The following NYAP2 variants were observed in gnomAD, a reference collection of about 807,000 sequenced individuals.
NYAP2 encodes neuronal tyrosine-phosphorylated phosphoinositide-3-kinase adaptor 2.
In NYAP2, 23 loss-of-function variants were observed where a neutral mutation model predicts 50.4. The ratio of observed to expected loss-of-function variants is 0.46; its 90% CI spans 0.33 to 0.65. NYAP2 has a LOEUF of 0.65. NYAP2 is among the 30% of genes least tolerant of loss of function. The pLI is 0.02. For missense variants in NYAP2, 885 were observed against 861.0 expected (o/e 1.03, Z -0.35); for synonymous variants, 394 against 365.2 (o/e 1.08, Z -0.90).
chr2:225,613,863 T>C (rs1271141186), intron 5 of NYAP2, among the ~76,000 whole-genome samples: 1 of 152,184 alleles, frequency 6.6e-6, no homozygotes, highest in Non-Finnish European at 1.5e-5. Flanking sequence ...AATTAAACTA[T>C]ATGTAGTTTA....
the NYAP2 span, among the ~76,000 whole-genome samples, chr2:225,666,710 T>C: frequency 6.6e-6 from 1 of 152,006 alleles, no homozygotes; most frequent in African/African-American, 2.4e-5. Context: ...TTAGAGACAA[T>C]AGATGACAAA....
At chr2:225,534,693 C>T (rs947183816) in intron 4 of NYAP2, among the ~76,000 whole-genome samples, 2 of 152,026 alleles carry the variant, frequency 1.3e-5, no homozygotes, top group African/African-American at 4.8e-5. Flanking sequence ...GAGAGAGAAA[C>T]CTTATAGTAA....
intron 6 of NYAP2, among the ~76,000 whole-genome samples, chr2:225,645,238 GAAAAA>G (rs36010669): frequency 9.8e-6 from 1 of 101,544 alleles, no homozygotes. Context: ...AGCCTGGGCA[GAAAAA>G]AAAAAAAAAA....
chr2:225,410,613 T>C (rs1052976053), intron 3 of NYAP2, among the ~76,000 whole-genome samples: 2 of 152,124 alleles, frequency 1.3e-5, no homozygotes, highest in Non-Finnish European at 2.9e-5. Flanking sequence ...TAATAAATCC[T>C]TTTCTATAAG....
intron 3 of NYAP2, among the ~76,000 whole-genome samples, chr2:225,495,043 T>C (rs1424282014): frequency 6.6e-6 from 1 of 152,242 alleles, no homozygotes; most frequent in Non-Finnish European, 1.5e-5. Flanking sequence ...AGTGCTCACA[T>C]AACTTTATGC....
chr2:225,512,893 C>CT (rs1553544809), intron 3 of NYAP2, among the ~76,000 whole-genome samples: 93 of 114,982 alleles, frequency 8.1e-4, no homozygotes, highest in African/African-American at 2.1e-3. Flanking sequence ...TCCTTCCTTC[C>CT]TTCCTTTCCT....
intron 6 of NYAP2, among the ~76,000 whole-genome samples, chr2:225,634,832 G>A (rs1261640959): frequency 6.6e-6 from 1 of 152,176 alleles, no homozygotes; most frequent in Non-Finnish European, 1.5e-5. Flanking sequence ...AAGACCTTGA[G>A]AGGTTATTCA....
At chr2:225,679,607 G>A in the NYAP2 span, among the ~76,000 whole-genome samples, 1 of 142,068 alleles carries the variant, frequency 7.0e-6, no homozygotes, top group Non-Finnish European at 1.5e-5. Flanking sequence ...CTATTCTCCT[G>A]CCTCAGCCTC....
At chr2:225,479,056 A>G (rs1690164384) in intron 3 of NYAP2, among the ~76,000 whole-genome samples, 1 of 152,202 alleles carries the variant, frequency 6.6e-6, no homozygotes, top group African/African-American at 2.4e-5. Flanking sequence ...GATGTGATTG[A>G]ATATTGAGGG....
At chr2:225,532,844 C>T (rs1033909227) in intron 4 of NYAP2, among the ~76,000 whole-genome samples, 17 of 151,922 alleles carry the variant, frequency 1.1e-4, no homozygotes, top group Non-Finnish European at 2.1e-4. Flanking sequence ...ATGATCTGCC[C>T]TGTGTTGTTT....
chr2:225,401,746 T>C (rs1694866066), intron 2 of NYAP2, among the ~76,000 whole-genome samples: 1 of 152,040 alleles, frequency 6.6e-6, no homozygotes, highest in African/African-American at 2.4e-5. Flanking sequence ...GACATGTGAG[T>C]ATTTCATATC....
chr2:225,648,287 A>G (rs896837754), intron 6 of NYAP2, among the ~76,000 whole-genome samples: 19 of 152,304 alleles, frequency 1.2e-4, no homozygotes, highest in African/African-American at 4.6e-4. Context: ...GGTGTGAGCC[A>G]CTGCACCCGG....
the NYAP2 span, among the ~76,000 whole-genome samples, chr2:225,667,242 A>C: frequency 6.7e-6 from 1 of 148,940 alleles, no homozygotes; most frequent in East Asian, 2.0e-4. Flanking sequence ...CCTGTGTTCA[A>C]AGAAATTTCA....
intron 2 of NYAP2, among the ~76,000 whole-genome samples, chr2:225,406,690 CA>C (rs373624641): frequency 6.6e-6 from 1 of 151,908 alleles, no homozygotes; most frequent in African/African-American, 2.4e-5. Flanking sequence ...ATTTTCATCT[CA>C]AAAAATTTGA....
the NYAP2 span, among the ~76,000 whole-genome samples, chr2:225,686,685 C>A: frequency 2.6e-5 from 4 of 152,054 alleles, no homozygotes; most frequent in Non-Finnish European, 5.9e-5. Context: ...AATGTATTTT[C>A]AGTACACAAG....
At chr2:225,584,169 T>C (rs1435005565) in intron 5 of NYAP2, among the ~76,000 whole-genome samples, 1 of 152,268 alleles carries the variant, frequency 6.6e-6, no homozygotes, top group Non-Finnish European at 1.5e-5. Context: ...TCTGTCTGTA[T>C]ACTTCATGTT....
chr2:225,596,306 G>T (rs899489014), intron 5 of NYAP2, among the ~76,000 whole-genome samples: 5 of 152,160 alleles, frequency 3.3e-5, no homozygotes, highest in African/African-American at 7.2e-5. Flanking sequence ...TTATGAAAAA[G>T]TTCTTCTGAC....
chr2:225,537,029 C>T (rs866220839), intron 4 of NYAP2, among the ~76,000 whole-genome samples: 2 of 152,076 alleles, frequency 1.3e-5, no homozygotes, highest in African/African-American at 2.4e-5. Flanking sequence ...CCGCTCGCCT[C>T]GGCTTCCCAA....
At chr2:225,459,924 G>A (rs1165017030) in intron 3 of NYAP2, among the ~76,000 whole-genome samples, 2 of 152,014 alleles carry the variant, frequency 1.3e-5, no homozygotes, top group Admixed American at 6.6e-5. Flanking sequence ...TGCCCACCTC[G>A]GCCTCCCAAA....
Sources: allele counts gnomAD v4.1 joint callset (sites outside exome capture counted in the v4.1 genomes callset), GRCh38; gene constraint gnomAD v4.1.1; transcripts MANE v1.5; gene names NCBI Gene and HGNC (gene_info 2026-07-23, HGNC 2026-07-21).